Variants in ROBO1 observed in about 807,000 individuals in gnomAD.
ROBO1 encodes the protein roundabout homolog 1.
Under a neutral mutation model 195.9 loss-of-function variants are expected in ROBO1, and 149 were observed. That is an observed-to-expected ratio of 0.76 (90% confidence interval 0.67 to 0.87). The LOEUF (loss-of-function observed/expected upper bound fraction) is 0.87, where lower values mean the gene tolerates loss of function less well. Among genes scored for constraint, ROBO1 ranks in the 40% least tolerant of loss-of-function variants. The probability of loss-of-function intolerance (pLI) is 0.00; values close to 1 mark genes in which losing one functional copy is unlikely to be tolerated. For synonymous variants in ROBO1, 816 were observed against 733.2 expected (o/e 1.11, Z -1.82); for missense variants, 1,933 against 2,068.3 (o/e 0.93, Z 1.27).
At chr3:79,447,835 TTC>T (rs1389843064) in intron 2 of ROBO1, among the ~76,000 whole-genome samples, 1 of 152,092 alleles carries the variant, frequency 6.6e-6, no homozygotes, top group Non-Finnish European at 1.5e-5. Context: ...CTGTTTCTAC[TTC>T]TGTTAATTGT....
chr3:79,546,644 A>G (rs538775328), intron 2 of ROBO1, among the ~76,000 whole-genome samples: 1 of 152,218 alleles, frequency 6.6e-6, no homozygotes, highest in African/African-American at 2.4e-5. Context: ...AAGTTCCAGG[A>G]CAATCATTAC....
At chr3:79,575,300 TATATATAA>T (rs1943436664) in intron 2 of ROBO1, among the ~76,000 whole-genome samples, 2 of 123,466 alleles carry the variant, frequency 1.6e-5, no homozygotes, top group African/African-American at 6.4e-5. Context: ...ATATAACAAA[TATATATAA>T]ATATATATAT....
chr3:78,928,592 G>T lies in ROBO1; in HGVS notation c.499+10009C>A, dbSNP rs373589317. Among the ~76,000 whole-genome samples the T allele has an allele frequency of 1.1e-4, 16 of 152,210 alleles. No individual in the cohort carries two copies. The East Asian group carries it at 2.9e-3, about 28-fold the overall frequency. On this transcript the variant is annotated intron_variant, in intron 4 of 30. Coordinates refer to ENST00000464233, the MANE Select transcript of ROBO1 (RefSeq NM_002941.4). ...GAAAAGCAAATATCCACAGATTCTC[G>T]ATCCACTGGTCATATAAATATTGTT...
At chr3:79,737,641 T>C (rs930339821) in intron 1 of ROBO1, among the ~76,000 whole-genome samples, 2 of 136,732 alleles carry the variant, frequency 1.5e-5, no homozygotes, top group African/African-American at 5.4e-5. Flanking sequence ...ATATAACAGA[T>C]GTTCTTTGTC....
intron 3 of ROBO1, among the ~76,000 whole-genome samples, chr3:79,053,224 C>T (rs1224369388): frequency 6.6e-6 from 1 of 151,800 alleles, no homozygotes; most frequent in Non-Finnish European, 1.5e-5. Flanking sequence ...GACGACCCTC[C>T]ACCTCTTCCT....
At chr3:79,685,195 A>C (rs1947064633) in intron 1 of ROBO1, among the ~76,000 whole-genome samples, 1 of 152,122 alleles carries the variant, frequency 6.6e-6, no homozygotes, top group South Asian at 2.1e-4. Context: ...AAATTTCCTT[A>C]ATGCCATGTA....
chr3:79,473,204 T>C (rs1197006892), intron 2 of ROBO1, among the ~76,000 whole-genome samples: 1 of 152,010 alleles, frequency 6.6e-6, no homozygotes. Flanking sequence ...AAGTAGGAGA[T>C]TGGAGAGACA....
chr3:78,727,113 C>G (rs1406135984), intron 5 of ROBO1, among the ~76,000 whole-genome samples: 1 of 151,922 alleles, frequency 6.6e-6, no homozygotes, highest in Admixed American at 6.6e-5. Flanking sequence ...TCTAATTAAG[C>G]AAAAACATTG....
At chr3:79,244,200 C>T (rs1052802608) in intron 2 of ROBO1, among the ~76,000 whole-genome samples, 2 of 152,042 alleles carry the variant, frequency 1.3e-5, no homozygotes, top group Middle Eastern at 3.2e-3. Context: ...CTTATTACAC[C>T]ATTGGTAATA....
rs192750237 is a variant in ROBO1, at chr3:79,760,192, G to A, written c.-51+7560C>T. Among the ~76,000 whole-genome samples, 14 of 122,634 alleles carry A rather than the reference G, an allele frequency of 1.1e-4. No individual in the cohort carries two copies. In the East Asian group the frequency reaches 2.1e-3, roughly 18 times the overall value. The allele number at this position is 122,634 out of a possible 152,430, so 80.5% of individuals were successfully genotyped here. A position where few individuals can be genotyped will look rare whatever the true frequency, so the allele number is the denominator to read the frequency against. On this transcript the variant is annotated intron_variant, in intron 1 of 30. Coordinates refer to ENST00000464233, the MANE Select transcript of ROBO1 (RefSeq NM_002941.4). ...GCGGAGGTTGCAGTGAGCCGAGATC[G>A]CGCCACTGCACTCCAGCCTGGGTGA...
intron 2 of ROBO1, among the ~76,000 whole-genome samples, chr3:79,375,026 A>G (rs2036333668): frequency 6.6e-6 from 1 of 152,230 alleles, no homozygotes; most frequent in African/African-American, 2.4e-5. Context: ...TGTACAAAAC[A>G]TAGTTCTAAA....
chr3:79,052,857 C>T (rs2108371575), intron 3 of ROBO1, among the ~76,000 whole-genome samples: 1 of 152,174 alleles, frequency 6.6e-6, no homozygotes, highest in African/African-American at 2.4e-5. Flanking sequence ...TGTTCAACTC[C>T]CTGACAACTG....
intron 3 of ROBO1, among the ~76,000 whole-genome samples, chr3:78,946,034 A>C (rs1306357813): frequency 6.6e-6 from 1 of 152,196 alleles, no homozygotes; most frequent in African/African-American, 2.4e-5. Context: ...AAAAGACCAA[A>C]TCTACGTCTG....
At chr3:79,080,459 G>A (rs2079252108) in intron 3 of ROBO1, among the ~76,000 whole-genome samples, 1 of 151,686 alleles carries the variant, frequency 6.6e-6, no homozygotes, top group Non-Finnish European at 1.5e-5. Flanking sequence ...AATGACATTA[G>A]ATTCTTTCAA....
intron 2 of ROBO1, among the ~76,000 whole-genome samples, chr3:79,166,204 T>C (rs964067651): frequency 6.6e-6 from 1 of 152,202 alleles, no homozygotes; most frequent in Non-Finnish European, 1.5e-5. Context: ...ATGAAGATCA[T>C]AAAGGCACAG....
intron 22 of ROBO1, among the ~76,000 whole-genome samples, chr3:78,637,994 A>C: frequency 1.8e-5 from 2 of 113,332 alleles, no homozygotes; most frequent in African/African-American, 3.6e-5. Context: ...TGGGGGGGGG[A>C]GGGGTTGTTT....
chr3:78,960,528 C>T (rs1005288096), intron 3 of ROBO1, among the ~76,000 whole-genome samples: 4 of 152,002 alleles, frequency 2.6e-5, no homozygotes, highest in Admixed American at 6.6e-5. Flanking sequence ...CACCTGTAAT[C>T]GCAGCACTTT....
intron 4 of ROBO1, among the ~76,000 whole-genome samples, chr3:78,855,361 A>G (rs757396844): frequency 6.6e-6 from 1 of 152,192 alleles, no homozygotes; most frequent in African/African-American, 2.4e-5. Context: ...TCTGAGAATT[A>G]GATCTGCTCT....
intron 1 of ROBO1, among the ~76,000 whole-genome samples, chr3:79,682,141 A>C (rs927899891): frequency 1.3e-5 from 2 of 152,034 alleles, no homozygotes; most frequent in African/African-American, 4.8e-5. Context: ...TCAATTAAGC[A>C]GACAAATTCC....
Sources: allele counts gnomAD v4.1 joint callset (sites outside exome capture counted in the v4.1 genomes callset), GRCh38; gene constraint gnomAD v4.1.1; transcripts MANE v1.5; gene names NCBI Gene and HGNC (gene_info 2026-07-23, HGNC 2026-07-21).